AKT3: variants seen among roughly 807,000 people sequenced by gnomAD.
AKT3 encodes the protein AKT serine/threonine kinase 3, also known as RAC-gamma serine/threonine-protein kinase.
A neutral mutation model predicts 65.3 loss-of-function variants in AKT3; 15 were observed. The observed-to-expected ratio is 0.23, with a 90% CI of 0.15 to 0.35. AKT3 has a LOEUF of 0.35. Among genes scored for constraint, AKT3 ranks in the 10% least tolerant of loss-of-function variants. The pLI is 1.00. For synonymous variants in AKT3, 206 were observed against 183.8 expected, an observed-to-expected ratio of 1.12 and a Z score of -0.98; for missense variants, 243 against 576.5, an observed-to-expected ratio of 0.42 and a Z score of 5.92.
chr1:243,514,005 A>C (rs1024728676), intron 12 of AKT3, among the ~76,000 whole-genome samples: 1 of 152,088 alleles, frequency 6.6e-6, no homozygotes, highest in African/African-American at 2.4e-5. Flanking sequence ...AGGCTGGAAC[A>C]ATTTTGTTTT....
chr1:243,604,447 C>G (rs1361272285), intron 8 of AKT3, among the ~76,000 whole-genome samples: 1 of 152,176 alleles, frequency 6.6e-6, no homozygotes, highest in African/African-American at 2.4e-5. Flanking sequence ...CTGCAGAACT[C>G]TATGCATTAT....
intron 2 of AKT3, among the ~76,000 whole-genome samples, chr1:243,702,320 G>A (rs1685520803): frequency 6.6e-6 from 1 of 152,162 alleles, no homozygotes. Context: ...GCTCCAGGCA[G>A]AACAATGTAA....
At chr1:243,663,813 G>A (rs976305519) in intron 4 of AKT3, among the ~76,000 whole-genome samples, 4 of 152,128 alleles carry the variant, frequency 2.6e-5, no homozygotes, top group Admixed American at 6.5e-5. Flanking sequence ...GCAGGATGGT[G>A]GTTTTGTGAC....
chr1:243,584,546 T>A (rs1675649593), intron 8 of AKT3, among the ~76,000 whole-genome samples: 1 of 152,092 alleles, frequency 6.6e-6, no homozygotes. Context: ...CTCAACAAAA[T>A]ACTAGCAAAC....
At chr1:243,760,166 C>G (rs1180179822) in intron 2 of AKT3, among the ~76,000 whole-genome samples, 1 of 151,952 alleles carries the variant, frequency 6.6e-6, no homozygotes, top group African/African-American at 2.4e-5. Flanking sequence ...GTCGCCCAGA[C>G]AGGAGTACGG....
At chr1:243,684,317 C>T (rs753522300) in intron 3 of AKT3, among the ~76,000 whole-genome samples, 71 of 152,092 alleles carry the variant, frequency 4.7e-4, no homozygotes, top group Non-Finnish European at 8.7e-4. Flanking sequence ...AGCCCCCAAT[C>T]TCTCAACATG....
chr1:243,787,726 A>C (rs2148328222), intron 2 of AKT3, among the ~76,000 whole-genome samples: 1 of 152,286 alleles, frequency 6.6e-6, no homozygotes, highest in Admixed American at 6.5e-5. Context: ...AGCTCCTTTG[A>C]GTATACCAAT....
chr1:243,728,819 A>G lies in AKT3; in HGVS notation c.47-33103T>C, dbSNP rs117270421. ...TATGCCAGACATCCCAGAAGAGGTA[A>G]AAAGTTATTAGAGACAAAAAGGACT... On this transcript the variant is annotated intron_variant, in intron 2 of 13. Transcript: ENST00000673466. 2.4e-4 allele frequency among the ~76,000 whole-genome samples: 36 copies of G among 152,304 alleles called. No individual in the cohort carries two copies. In the East Asian group the frequency reaches 6.7e-3, roughly 29 times the overall value.
chr1:243,659,036 AAAAG>A (rs1682055074), intron 4 of AKT3, among the ~76,000 whole-genome samples: 1 of 152,142 alleles, frequency 6.6e-6, no homozygotes, highest in African/African-American at 2.4e-5. Context: ...TCTCAAAAAA[AAAAG>A]AAAGAAGGCA....
chr1:243,797,373 C>T (rs1692087107), intron 2 of AKT3, among the ~76,000 whole-genome samples: 1 of 152,030 alleles, frequency 6.6e-6, no homozygotes, highest in Non-Finnish European at 1.5e-5. Flanking sequence ...AGAGTAGGCA[C>T]CTGGGATGTC....
chr1:243,712,371 C>T (rs756434561), intron 2 of AKT3, among the ~76,000 whole-genome samples: 3 of 152,122 alleles, frequency 2.0e-5, no homozygotes, highest in Non-Finnish European at 2.9e-5. Context: ...TAACAGATAA[C>T]CTTCCTTTAA....
chr1:243,571,247 T>G (rs894010788), intron 9 of AKT3, among the ~76,000 whole-genome samples: 1 of 151,854 alleles, frequency 6.6e-6, no homozygotes. Context: ...AACCAGGGAG[T>G]TGGAGGTTGC....
At chr1:243,671,827 A>G (rs987106685) in intron 3 of AKT3, among the ~76,000 whole-genome samples, 1 of 152,260 alleles carries the variant, frequency 6.6e-6, no homozygotes. Context: ...ACTTGCCCCA[A>G]AACACACAAC....
intron 2 of AKT3, among the ~76,000 whole-genome samples, chr1:243,770,253 A>G (rs1168668738): frequency 6.6e-6 from 1 of 152,194 alleles, no homozygotes; most frequent in African/African-American, 2.4e-5. Flanking sequence ...TTGAACAGCC[A>G]ACTCCATCAA....
At chr1:243,745,176 G>A (rs1187726998) in intron 2 of AKT3, among the ~76,000 whole-genome samples, 1 of 151,744 alleles carries the variant, frequency 6.6e-6, no homozygotes, top group Non-Finnish European at 1.5e-5. Context: ...GTCCTCTACG[G>A]AAAATTTAAA....
chr1:243,815,247 G>C (rs1693436188), intron 2 of AKT3, among the ~76,000 whole-genome samples: 1 of 152,044 alleles, frequency 6.6e-6, no homozygotes, highest in African/African-American at 2.4e-5. Context: ...GAAGAAACCA[G>C]GTAGCTTCTT....
chr1:243,634,963 T>C (rs1466581222), intron 6 of AKT3, among the ~76,000 whole-genome samples: 1 of 151,882 alleles, frequency 6.6e-6, no homozygotes, highest in Non-Finnish European at 1.5e-5. Flanking sequence ...CTAAGACATA[T>C]ACACAAAATG....
chr1:243,506,982 A>G (rs1345090218), intron 13 of AKT3, among the ~76,000 whole-genome samples: 2 of 152,260 alleles, frequency 1.3e-5, no homozygotes, highest in African/African-American at 4.8e-5. Context: ...AAAACTCTCT[A>G]GAGAATACGG....
At chr1:243,510,816 T>C (rs530855313) in intron 13 of AKT3, among the ~76,000 whole-genome samples, 5 of 152,230 alleles carry the variant, frequency 3.3e-5, no homozygotes, top group Non-Finnish European at 4.4e-5. Flanking sequence ...AGAGGAATGA[T>C]GTGGTCTGAT....
Sources: gnomAD v4.1 joint callset for allele counts (sites outside exome capture counted in the v4.1 genomes callset) on GRCh38, gnomAD v4.1.1 for gene constraint, MANE v1.5 for transcripts, NCBI Gene and HGNC (gene_info 2026-07-23, HGNC 2026-07-21) for gene names.